Variants in EML1 observed in about 807,000 individuals in gnomAD.
The protein encoded by EML1 is echinoderm microtubule-associated protein-like 1.
Under a neutral mutation model 110.4 loss-of-function variants are expected in EML1, and 27 were observed. The ratio of observed to expected loss-of-function variants is 0.24; its 90% CI spans 0.18 to 0.34. EML1 has a LOEUF of 0.34. Among genes scored for constraint, EML1 ranks in the 10% least tolerant of loss-of-function variants. The probability of loss-of-function intolerance (pLI) is 1.00; values close to 1 mark genes in which losing one functional copy is unlikely to be tolerated. For missense variants in EML1, 741 were observed against 1,030.9 expected (o/e 0.72, Z 3.85); for synonymous variants, 344 against 385.8 (o/e 0.89, Z 1.27).
intron 1 of EML1, among the ~76,000 whole-genome samples, chr14:99,766,371 T>G (rs941945886): frequency 2.6e-5 from 4 of 151,976 alleles, no homozygotes; most frequent in Admixed American, 6.6e-5. Flanking sequence ...TTTTTGTATT[T>G]TTAGTAGAGA....
chr14:99,799,100 C>T (rs994655781), intron 1 of EML1, among the ~76,000 whole-genome samples: 4 of 152,138 alleles, frequency 2.6e-5, no homozygotes, highest in African/African-American at 9.7e-5. Context: ...CCAGATCTGG[C>T]CTGGCTTCTT....
At chr14:99,846,540 C>T (rs1251628313) in intron 1 of EML1, among the ~76,000 whole-genome samples, 1 of 152,102 alleles carries the variant, frequency 6.6e-6, no homozygotes, top group Admixed American at 6.5e-5. Context: ...ACCTTGGCAT[C>T]CCAAAGTGCT....
chr14:99,766,469 C>T (rs1341000405), intron 1 of EML1, among the ~76,000 whole-genome samples: 2 of 152,212 alleles, frequency 1.3e-5, no homozygotes, highest in African/African-American at 2.4e-5. Flanking sequence ...GCTGGGATTA[C>T]AGGCGTGAGC....
At chr14:99,809,621 A>C (rs533172209) in intron 1 of EML1, 58 of 456,076 alleles carry the variant, frequency 1.3e-4, no homozygotes, top group African/African-American at 8.6e-4. Context: ...CCCTTGAGTC[A>C]GGCCTGCAAC....
At chr14:99,849,501 GTATT>G (rs2058755389) in intron 1 of EML1, among the ~76,000 whole-genome samples, 1 of 145,340 alleles carries the variant, frequency 6.9e-6, no homozygotes, top group South Asian at 2.2e-4. Context: ...TTGTGTGTGT[GTATT>G]TGTGTGTGTG....
At chr14:99,893,901 G>GA in intron 5 of EML1, among the ~76,000 whole-genome samples, 1 of 152,306 alleles carries the variant, frequency 6.6e-6, no homozygotes, top group East Asian at 1.9e-4. Context: ...TTGAGGTCTA[G>GA]GAGTTACCCC....
At chr14:99,867,123 A>G (rs763241721) in intron 3 of EML1, among the ~76,000 whole-genome samples, 1 of 151,992 alleles carries the variant, frequency 6.6e-6, no homozygotes. Context: ...TCTTATCCCC[A>G]TCTTTATCAT....
intron 9 of EML1, among the ~76,000 whole-genome samples, chr14:99,901,295 C>T (rs1157910218): frequency 1.3e-5 from 2 of 152,162 alleles, no homozygotes; most frequent in Non-Finnish European, 2.9e-5. Context: ...CCAGAGATAT[C>T]GTCCTCACTT....
intron 5 of EML1, among the ~76,000 whole-genome samples, chr14:99,893,706 A>G (rs1253284567): frequency 6.6e-6 from 1 of 152,242 alleles, no homozygotes; most frequent in Non-Finnish European, 1.5e-5. Flanking sequence ...GTGTACAGGT[A>G]TCCCTGGTTC....
At chr14:99,916,096 A>G (rs1019948416) in intron 15 of EML1, among the ~76,000 whole-genome samples, 4 of 152,248 alleles carry the variant, frequency 2.6e-5, no homozygotes, top group South Asian at 2.1e-4. Context: ...GCTGAAGGCA[A>G]TGACAGCTCC....
chr14:99,754,373 C>T (rs992868854), intron 1 of EML1, among the ~76,000 whole-genome samples: 5 of 152,152 alleles, frequency 3.3e-5, no homozygotes, highest in African/African-American at 1.2e-4. Flanking sequence ...CCTCCCCCCA[C>T]GGTGGCACGC....
chr14:99,875,271 C>G (rs189493910), intron 3 of EML1, among the ~76,000 whole-genome samples: 1 of 152,210 alleles, frequency 6.6e-6, no homozygotes, highest in African/African-American at 2.4e-5. Flanking sequence ...TGCTGTAACC[C>G]CAAACAAGTT....
At chr14:99,872,413 T>C (rs2059221150) in intron 3 of EML1, among the ~76,000 whole-genome samples, 1 of 152,184 alleles carries the variant, frequency 6.6e-6, no homozygotes, top group Non-Finnish European at 1.5e-5. Flanking sequence ...ACTTAAATGG[T>C]AACCCTCCTC....
chr14:99,883,195 T>G (rs1307204109), intron 4 of EML1: 1 of 152,196 alleles, frequency 6.6e-6, no homozygotes, highest in Non-Finnish European at 1.5e-5. Flanking sequence ...ACAACTTTTT[T>G]CCTTTTTTGA....
At chr14:99,861,645 CTA>C (rs1345314793) in intron 2 of EML1, among the ~76,000 whole-genome samples, 4 of 152,084 alleles carry the variant, frequency 2.6e-5, no homozygotes, top group African/African-American at 4.8e-5. Flanking sequence ...CCACGCCTGG[CTA>C]ATTTTTCTGT....
chr14:99,761,719 G>A (rs1266688581), intron 1 of EML1, among the ~76,000 whole-genome samples: 1 of 152,102 alleles, frequency 6.6e-6, no homozygotes, highest in East Asian at 1.9e-4. Flanking sequence ...GAGGTCAGGA[G>A]TTCAAGACCA....
intron 1 of EML1, among the ~76,000 whole-genome samples, chr14:99,753,945 G>T (rs760393045): frequency 1.7e-4 from 26 of 152,212 alleles, no homozygotes; most frequent in Non-Finnish European, 3.1e-4. Flanking sequence ...AGGCTCCACT[G>T]CTAGGCTGCC....
upstream of EML1, among the ~76,000 whole-genome samples, chr14:99,791,033 AT>A (rs1336456747): frequency 6.6e-6 from 1 of 151,024 alleles, no homozygotes; most frequent in Non-Finnish European, 1.5e-5. Context: ...AATTTTTTGT[AT>A]TTTTTTTGGT....
At chr14:99,901,750 C>T (rs962478052) in intron 9 of EML1, among the ~76,000 whole-genome samples, 5 of 152,096 alleles carry the variant, frequency 3.3e-5, no homozygotes, top group Admixed American at 2.0e-4. Context: ...GGGATTTAGC[C>T]GGCTTCTTTA....
Sources: gnomAD v4.1 joint callset for allele counts (sites outside exome capture counted in the v4.1 genomes callset) on GRCh38, gnomAD v4.1.1 for gene constraint, MANE v1.5 for transcripts, NCBI Gene and HGNC (gene_info 2026-07-23, HGNC 2026-07-21) for gene names.